TEAD4: variants seen among roughly 807,000 people sequenced by gnomAD.
The protein encoded by TEAD4 is transcriptional enhancer factor TEF-3.
A neutral mutation model predicts 52.4 loss-of-function variants in TEAD4; 36 were observed. The observed-to-expected ratio is 0.69, with a 90% CI of 0.53 to 0.91. TEAD4 has a LOEUF of 0.91. Among genes scored for constraint, TEAD4 ranks in the 40% least tolerant of loss-of-function variants. TEAD4 has a pLI of 0.00. For synonymous variants in TEAD4, 220 were observed against 231.0 expected (o/e 0.95, Z 0.43); for missense variants, 508 against 583.9 (o/e 0.87, Z 1.34).
intron 2 of TEAD4, among the ~76,000 whole-genome samples, chr12:2,964,166 G>A (rs1027883779): frequency 5.3e-5 from 8 of 152,178 alleles, no homozygotes; most frequent in Non-Finnish European, 1.0e-4. Flanking sequence ...CCGGTTCTGT[G>A]CTGAGCTTTC....
Position 3,040,500 on chromosome 12 carries a change from G to T in TEAD4, c.*22G>T, listed in dbSNP as rs1274470419. 26 of 1,609,216 alleles carry T rather than the reference G, an allele frequency of 1.6e-5. No homozygotes were observed. The highest frequency in any genetic ancestry group is 2.2e-5 in the Non-Finnish European group (26 of 1,176,150). ...ATGAGAGACTCGGGGAGCAGGGAGGGGGGAAGAGACGTGTGTGCAGGAAAC... is the reference window on the plus strand; with the variant it reads ...ATGAGAGACTCGGGGAGCAGGGAGGTGGGAAGAGACGTGTGTGCAGGAAAC... On this transcript the variant is annotated 3_prime_UTR_variant, in exon 13 of 13. Transcript: ENST00000359864.
chr12:3,021,844 TACA>T lies in TEAD4; in HGVS notation c.729_731del (p.Asn243del), dbSNP rs2098268934. Reference sequence around the variant, plus strand: ...TCCCTCAGACCCACTCTCTCCACAGTACAACAAGCACCTGTTCGTGCACATTGG... The same window carrying T: ...TCCCTCAGACCCACTCTCTCCACAGTACAAGCACCTGTTCGTGCACATTGG... On this transcript the variant is annotated inframe_deletion and splice_region_variant, in exon 10 of 13. Coordinates refer to ENST00000359864, the MANE Select transcript of TEAD4 (RefSeq NM_003213.4). The T allele has an allele frequency of 6.2e-7, 1 of 1,613,922 alleles. No individual in the cohort carries two copies. The highest frequency in any genetic ancestry group is 1.3e-5 in the African/African-American group (1 of 75,020).
intron 3 of TEAD4, among the ~76,000 whole-genome samples, chr12:2,998,531 G>T (rs1412540440): frequency 6.6e-6 from 1 of 151,514 alleles, no homozygotes; most frequent in Non-Finnish European, 1.5e-5. Flanking sequence ...CATGGGATGG[G>T]GACGCTCGGG....
chr12:3,036,323 G>C (rs553187410), intron 10 of TEAD4, among the ~76,000 whole-genome samples: 2 of 151,918 alleles, frequency 1.3e-5, no homozygotes, highest in South Asian at 4.2e-4. Context: ...CCTTCTCAGC[G>C]TTTTTTTGTG....
chr12:2,988,088 A>C (rs1399177704), intron 2 of TEAD4, among the ~76,000 whole-genome samples: 1 of 151,826 alleles, frequency 6.6e-6, no homozygotes, highest in Admixed American at 6.6e-5. Flanking sequence ...AAACAAAATA[A>C]AATAAAATAA....
At chr12:2,995,629 T>A (rs2098246512) in intron 3 of TEAD4, among the ~76,000 whole-genome samples, 2 of 152,164 alleles carry the variant, frequency 1.3e-5, no homozygotes, top group Middle Eastern at 3.4e-3. Context: ...CAGCTGAAAC[T>A]GTTCAGCGAT....
At chr12:2,984,911 A>G (rs1445132305) in intron 2 of TEAD4, among the ~76,000 whole-genome samples, 1 of 152,160 alleles carries the variant, frequency 6.6e-6, no homozygotes, top group Non-Finnish European at 1.5e-5. Context: ...AATGTATGCT[A>G]CTGTAGGCTT....
Position 3,019,096 on chromosome 12 carries a change from C to CCTCCTCT in TEAD4, c.528-15_528-9dup. On this transcript the variant is annotated intron_variant, in intron 7 of 12. Coordinates refer to ENST00000359864, the MANE Select transcript of TEAD4 (RefSeq NM_003213.4). ...TGGCCTGCCCGAGGCTGACACCTCC[C>CCTCCTCT]CTCCTCTCTCTCCCGCAGTGTGAAG... 6.2e-7 allele frequency: 1 copy of CCTCCTCT among 1,613,938 alleles called. No individual in the cohort carries two copies. Among genetic ancestry groups the CCTCCTCT allele is most frequent in the Non-Finnish European group, 8.5e-7 (1 of 1,179,906 alleles).
Position 3,021,996 on chromosome 12 carries a change from C to A in TEAD4, c.876C>A (p.Ala292=), listed in dbSNP as rs201131936. 578 of 1,614,064 alleles carry A rather than the reference C, an allele frequency of 3.6e-4. 1 individual carries two copies. The highest frequency in any genetic ancestry group is 5.0e-4 in the Admixed American group (30 of 60,002). The change falls in exon 10 of 13, where the codon GCC becomes GCA. Residue 292 remains alanine (A), a synonymous_variant. Coordinates refer to ENST00000359864, the MANE Select transcript of TEAD4 (RefSeq NM_003213.4). Reference sequence around the variant, plus strand: ...TCTTCGAACGGGGACCCTCCAATGCCTTTTTTCTTGTGAAGTTCTGGGTAA... The same window carrying A: ...TCTTCGAACGGGGACCCTCCAATGCATTTTTTCTTGTGAAGTTCTGGGTAA...
intron 3 of TEAD4, among the ~76,000 whole-genome samples, chr12:3,006,887 G>A (rs1275768275): frequency 3.3e-5 from 5 of 151,720 alleles, no homozygotes; most frequent in African/African-American, 7.3e-5. Context: ...TTAGCCAGGT[G>A]TGGTGGTGTG....
chr12:3,018,118 G>A (rs2098265914), intron 6 of TEAD4, among the ~76,000 whole-genome samples: 1 of 152,248 alleles, frequency 6.6e-6, no homozygotes, highest in South Asian at 2.1e-4. Context: ...TGGGGAAGGG[G>A]CAGTGCCAGG....
At chr12:3,038,639 A>G (rs1280766905) in intron 11 of TEAD4, among the ~76,000 whole-genome samples, 1 of 152,136 alleles carries the variant, frequency 6.6e-6, no homozygotes, top group Admixed American at 6.5e-5. Flanking sequence ...CCTGCCTTTT[A>G]TGGTTTCTCC....
chr12:2,988,411 T>C (rs2098240391), intron 2 of TEAD4, among the ~76,000 whole-genome samples: 1 of 148,526 alleles, frequency 6.7e-6, no homozygotes, highest in African/African-American at 2.5e-5. Context: ...CCCAGCTACT[T>C]GGGAGGCTGA....
chr12:3,029,233 AT>A (rs71057880), intron 10 of TEAD4, among the ~76,000 whole-genome samples: 6 of 109,614 alleles, frequency 5.5e-5, no homozygotes, highest in East Asian at 2.8e-4. Context: ...CGCCTGGCCA[AT>A]TTTTTTTTTT....
At chr12:2,993,865 C>T (rs1236901178) in intron 2 of TEAD4, among the ~76,000 whole-genome samples, 1 of 152,168 alleles carries the variant, frequency 6.6e-6, no homozygotes, top group Non-Finnish European at 1.5e-5. Context: ...GCATAATGTC[C>T]TAAAGGTCCG....
intron 4 of TEAD4, 46 bp downstream of exon 4, chr12:3,011,114 C>T: frequency 6.2e-7 from 1 of 1,606,722 alleles, no homozygotes; most frequent in Non-Finnish European, 8.5e-7. Context: ...GGTACCCCAG[C>T]ACCAGTCTGC....
At chr12:2,986,662 A>G (rs988576482) in intron 2 of TEAD4, among the ~76,000 whole-genome samples, 14 of 151,902 alleles carry the variant, frequency 9.2e-5, no homozygotes, top group Non-Finnish European at 1.5e-4. Context: ...AAAATAAATA[A>G]ATAAAATAGA....
At chr12:3,032,406 G>T (rs138086908) in intron 10 of TEAD4, among the ~76,000 whole-genome samples, 1 of 152,178 alleles carries the variant, frequency 6.6e-6, no homozygotes, top group Non-Finnish European at 1.5e-5. Flanking sequence ...GGGGTCCTGG[G>T]ACAGGAGCCG....
At chr12:3,037,835 G>C (rs775565629) in intron 10 of TEAD4, 133 bp from the exon 11 acceptor site, 1 of 1,071,682 alleles carries the variant, frequency 9.3e-7, no homozygotes, top group Non-Finnish European at 1.3e-6. Context: ...GCTTTCTGGC[G>C]TCCTACTGTC....
Sources: gnomAD v4.1 joint callset for allele counts (sites outside exome capture counted in the v4.1 genomes callset) on GRCh38, gnomAD v4.1.1 for gene constraint, MANE v1.5 for transcripts, NCBI Gene and HGNC (gene_info 2026-07-23, HGNC 2026-07-21) for gene names.